Variants in SLC75A1 observed in about 807,000 individuals in gnomAD.
SLC75A1 encodes solute carrier family 75 member 1.
the SLC75A1 span, chr4:2,933,107 A>G: frequency 1.9e-6 from 3 of 1,613,206 alleles, no homozygotes; most frequent in Admixed American, 3.3e-5. Context: ...GGAACATACC[A>G]GGCACAGCAG....
At chr4:2,933,846 G>A in the SLC75A1 span, 5 of 1,589,426 alleles carry the variant, frequency 3.1e-6, no homozygotes, top group South Asian at 1.1e-5. Flanking sequence ...GAAAGACAAC[G>A]GTGACCACGC....
chr4:2,932,404 C>T, the SLC75A1 span: 38 of 1,613,466 alleles, frequency 2.4e-5, no homozygotes, highest in Admixed American at 3.3e-5. Context: ...AACAGCAGGT[C>T]GGAGGCTGCG....
chr4:2,931,534 G>A, the SLC75A1 span: 23 of 1,606,090 alleles, frequency 1.4e-5, no homozygotes, highest in Middle Eastern at 1.7e-4. Flanking sequence ...CCTGCCACCC[G>A]CTTTGGAGGG....
chr4:2,932,073 A>C, the SLC75A1 span: 4 of 1,610,760 alleles, frequency 2.5e-6, no homozygotes, highest in Middle Eastern at 1.7e-4. Flanking sequence ...CCTGGCCACG[A>C]GCGACAGCCG....
At chr4:2,933,719 A>AG in the SLC75A1 span, 1 of 1,607,816 alleles carries the variant, frequency 6.2e-7, no homozygotes, top group Non-Finnish European at 8.5e-7. Flanking sequence ...CCTGGGGGGC[A>AG]GGGGGCACTG....
the SLC75A1 span, chr4:2,932,762 C>T: frequency 8.4e-6 from 13 of 1,551,416 alleles, no homozygotes; most frequent in African/African-American, 1.4e-5. Context: ...CACCCATCTG[C>T]CCAGGGGCAG....
chr4:2,932,245 G>C, the SLC75A1 span: 2 of 1,547,314 alleles, frequency 1.3e-6, no homozygotes, highest in East Asian at 2.4e-5. Flanking sequence ...CCAAGAGAGC[G>C]GCCCAGCCTC....
At chr4:2,932,965 G>A in the SLC75A1 span, 3 of 1,025,258 alleles carry the variant, frequency 2.9e-6, no homozygotes, top group Non-Finnish European at 4.2e-6. Flanking sequence ...GGTCCCCCGA[G>A]AACCCCCTCC....
chr4:2,933,581 CTG>C, the SLC75A1 span: 10 of 1,613,856 alleles, frequency 6.2e-6, no homozygotes, highest in Non-Finnish European at 8.5e-6. Flanking sequence ...GAACAGGACA[CTG>C]TTGTACCTCT....
At chr4:2,932,944 C>T in the SLC75A1 span, 5 of 1,038,222 alleles carry the variant, frequency 4.8e-6, no homozygotes, top group African/African-American at 1.6e-5. Flanking sequence ...GGCTCTGGAA[C>T]AGGAGCCACT....
chr4:2,933,538 G>C, the SLC75A1 span: 1 of 1,610,112 alleles, frequency 6.2e-7, no homozygotes, highest in South Asian at 1.1e-5. Context: ...ACCGTAGAGA[G>C]CCCGCCAAGG....
At chr4:2,930,739 C>A in the SLC75A1 span, 1 of 1,370,810 alleles carries the variant, frequency 7.3e-7, no homozygotes, top group South Asian at 1.4e-5. Context: ...CCCACAGGGT[C>A]TCCCTGGACT....
chr4:2,931,856 AG>A, the SLC75A1 span: 1 of 1,609,166 alleles, frequency 6.2e-7, no homozygotes, highest in South Asian at 1.1e-5. Context: ...TGTGTGAGGA[AG>A]CTCAGCGTGT....
chr4:2,931,532 C>T, the SLC75A1 span: 3 of 1,604,932 alleles, frequency 1.9e-6, no homozygotes, highest in African/African-American at 1.3e-5. Context: ...TGCCTGCCAC[C>T]CGCTTTGGAG....
chr4:2,933,719 A>C, the SLC75A1 span: 2 of 1,607,940 alleles, frequency 1.2e-6, no homozygotes, highest in South Asian at 2.2e-5. Context: ...CCTGGGGGGC[A>C]GGGGGCACTG....
chr4:2,932,619 A>G, the SLC75A1 span: 26 of 1,613,116 alleles, frequency 1.6e-5, no homozygotes, highest in Non-Finnish European at 2.1e-5. Context: ...ACTGCGGGCC[A>G]GAGGCGAGCC....
At chr4:2,931,452 A>G in the SLC75A1 span, 10 of 1,568,218 alleles carry the variant, frequency 6.4e-6, no homozygotes, top group Non-Finnish European at 8.6e-6. Context: ...GGCGGGCACC[A>G]GCAGCAGGAG....
At chr4:2,932,076 G>T in the SLC75A1 span, 4 of 1,611,176 alleles carry the variant, frequency 2.5e-6, no homozygotes, top group Non-Finnish European at 3.4e-6. Flanking sequence ...GGCCACGAGC[G>T]ACAGCCGAGA....
chr4:2,932,720 AGAGGTGGCCCAGACTGCATAT>A, the SLC75A1 span: 3 of 1,597,564 alleles, frequency 1.9e-6, no homozygotes, highest in Non-Finnish European at 1.7e-6. Flanking sequence ...CAAAGCTCCG[AGAGGTGGCCCAGACTGCATAT>A]GAGGTGGCCA....
Sources: allele counts gnomAD v4.1 joint callset, GRCh38; gene constraint gnomAD v4.1.1; transcripts MANE v1.5; gene names NCBI Gene and HGNC (gene_info 2026-07-23, HGNC 2026-07-21).